PIBF1: variants seen among roughly 807,000 people sequenced by gnomAD.
PIBF1 encodes the protein progesterone-induced-blocking factor 1.
A neutral mutation model predicts 112.5 loss-of-function variants in PIBF1; 90 were observed. The ratio of observed to expected loss-of-function variants is 0.80; its 90% confidence interval spans 0.67 to 0.95. The LOEUF (loss-of-function observed/expected upper bound fraction) is 0.95. PIBF1 is among the 40% of genes least tolerant of loss of function. PIBF1 has a pLI of 0.00. For synonymous variants in PIBF1, 301 were observed against 288.6 expected, an observed-to-expected ratio of 1.04 and a Z score of -0.44; for missense variants, 915 against 852.3, an observed-to-expected ratio of 1.07 and a Z score of -0.92.
intron 16 of PIBF1, among the ~76,000 whole-genome samples, chr13:72,995,810 C>CG (rs2043636106): frequency 6.6e-6 from 1 of 151,618 alleles, no homozygotes; most frequent in South Asian, 2.1e-4. Context: ...ATTAGCTGAG[C>CG]GTGGTTGTGG....
At chr13:72,994,438 G>T (rs9543193) in intron 16 of PIBF1, among the ~76,000 whole-genome samples, 15,624 of 152,216 alleles carry the variant, frequency 0.1, 1,088 homozygotes, top group Non-Finnish European at 0.15. Context: ...CATGATTTTT[G>T]AGCAGTAGAT....
At chr13:72,790,874 G>T (rs979218536) in intron 2 of PIBF1, among the ~76,000 whole-genome samples, 1 of 152,142 alleles carries the variant, frequency 6.6e-6, no homozygotes, top group Admixed American at 6.5e-5. Context: ...TTGAAGTTTT[G>T]CTCTGAAGAC....
chr13:72,905,937 G>A (rs1343215993), intron 11 of PIBF1, among the ~76,000 whole-genome samples: 2 of 152,174 alleles, frequency 1.3e-5, no homozygotes, highest in East Asian at 1.9e-4. Flanking sequence ...GAAGCCTTGA[G>A]AAAGCAGAGA....
intron 10 of PIBF1, among the ~76,000 whole-genome samples, chr13:72,858,675 A>C (rs899435815): frequency 2.6e-5 from 4 of 152,204 alleles, no homozygotes; most frequent in African/African-American, 9.6e-5. Context: ...TTTGTACCTC[A>C]TACATATTGA....
intron 2 of PIBF1, among the ~76,000 whole-genome samples, chr13:72,790,493 GATAGATCACACACACAC>G (rs1302310874): frequency 3.7e-4 from 53 of 142,912 alleles, no homozygotes; most frequent in African/African-American, 1.4e-3. Flanking sequence ...CACCCTTATA[GATAGATCACACACACAC>G]ATAGATAGAT....
intron 12 of PIBF1, among the ~76,000 whole-genome samples, chr13:72,914,954 A>C (rs1312630846): frequency 6.6e-6 from 1 of 152,172 alleles, no homozygotes; most frequent in African/African-American, 2.4e-5. Flanking sequence ...TGCTCTCTCT[A>C]TTAGCAGATA....
intron 12 of PIBF1, among the ~76,000 whole-genome samples, chr13:72,909,805 T>TG (rs1365087048): frequency 6.6e-6 from 1 of 152,216 alleles, no homozygotes; most frequent in Non-Finnish European, 1.5e-5. Context: ...GAATGAGTCT[T>TG]GAAGTACAAA....
In PIBF1 at chr13:72,927,994, C is replaced by CATATATATACATATATATAT. The variant is rs1555316933; in HGVS notation, c.1731-3170_1731-3169insTATATATACATATATATATA. On this transcript the variant is annotated intron_variant, in intron 13 of 17. Coordinates refer to ENST00000326291, the MANE Select transcript of PIBF1 (RefSeq NM_006346.4). ...ATATATATACATATATATATACACA[C>CATATATATACATATATATAT]ACATATATATACATATATATACATA... Among the ~76,000 whole-genome samples, 401 of 79,882 alleles carry CATATATATACATATATATAT rather than the reference C, an allele frequency of 5.0e-3. 4 individuals carry two copies. Among genetic ancestry groups the CATATATATACATATATATAT allele is most frequent in the Admixed American group, 8.5e-3 (57 of 6,706 alleles). 52.4% of individuals were successfully genotyped at this position (79,882 alleles called of 152,430 possible).
intron 16 of PIBF1, among the ~76,000 whole-genome samples, chr13:72,983,079 T>C (rs955532403): frequency 1.3e-5 from 2 of 152,082 alleles, no homozygotes; most frequent in Non-Finnish European, 2.9e-5. Context: ...TCTGATCCCA[T>C]CACTTTGGGA....
intron 10 of PIBF1, among the ~76,000 whole-genome samples, chr13:72,857,473 G>A (rs970511474): frequency 3.9e-5 from 6 of 152,178 alleles, no homozygotes; most frequent in East Asian, 1.9e-4. Flanking sequence ...TATTTGCAAC[G>A]TCTGTCACAG....
intron 5 of PIBF1, among the ~76,000 whole-genome samples, chr13:72,818,568 T>G (rs1166113684): frequency 1.3e-5 from 2 of 152,116 alleles, no homozygotes; most frequent in African/African-American, 4.8e-5. Context: ...TTTACCATTG[T>G]CTGCTTTCAA....
chr13:72,982,931 A>G (rs1594313858), intron 16 of PIBF1, among the ~76,000 whole-genome samples: 2 of 152,336 alleles, frequency 1.3e-5, no homozygotes, highest in East Asian at 1.9e-4. Context: ...AGGTTTGTCT[A>G]CAGGAGAGCT....
chr13:72,905,192 T>C (rs1369984407), intron 11 of PIBF1, among the ~76,000 whole-genome samples: 1 of 151,896 alleles, frequency 6.6e-6, no homozygotes, highest in Non-Finnish European at 1.5e-5. Context: ...CTCAGTCTCC[T>C]GAGTAGCTGG....
At chr13:73,004,944 G>T (rs915344538) in intron 17 of PIBF1, among the ~76,000 whole-genome samples, 2 of 152,294 alleles carry the variant, frequency 1.3e-5, no homozygotes, top group South Asian at 2.1e-4. Context: ...CAGCACTTTG[G>T]GAGGCCAAGG....
intron 17 of PIBF1, among the ~76,000 whole-genome samples, chr13:73,004,884 T>A (rs1370006497): frequency 6.6e-6 from 1 of 152,106 alleles, no homozygotes; most frequent in African/African-American, 2.4e-5. Context: ...ACCACTGATA[T>A]GTACATTTAA....
chr13:72,826,168 G>T (rs979438754), intron 6 of PIBF1, among the ~76,000 whole-genome samples: 1 of 151,500 alleles, frequency 6.6e-6, no homozygotes, highest in Non-Finnish European at 1.5e-5. Flanking sequence ...CACAAAATAC[G>T]TATAGTAATA....
At chr13:72,889,376 T>A (rs1278663882) in intron 10 of PIBF1, among the ~76,000 whole-genome samples, 2 of 152,178 alleles carry the variant, frequency 1.3e-5, no homozygotes, top group Non-Finnish European at 2.9e-5. Flanking sequence ...CCCCACTTGC[T>A]TGTGGAGTTT....
chr13:72,847,382 A>G (rs1393859983), intron 9 of PIBF1, among the ~76,000 whole-genome samples: 1 of 152,196 alleles, frequency 6.6e-6, no homozygotes, highest in African/African-American at 2.4e-5. Flanking sequence ...GGGAAGTCCA[A>G]TATCTACGTA....
At chr13:72,991,821 C>T (rs1394263620) in intron 16 of PIBF1, among the ~76,000 whole-genome samples, 2 of 152,074 alleles carry the variant, frequency 1.3e-5, no homozygotes, top group East Asian at 1.9e-4. Flanking sequence ...CGGATTCATG[C>T]CATTCTCCTG....
Sources: allele counts gnomAD v4.1 joint callset (sites outside exome capture counted in the v4.1 genomes callset), GRCh38; gene constraint gnomAD v4.1.1; transcripts MANE v1.5; gene names NCBI Gene and HGNC (gene_info 2026-07-23, HGNC 2026-07-21).